The following CNTNAP5 variants were observed in gnomAD, a reference collection of about 807,000 sequenced individuals.
The protein encoded by CNTNAP5 is contactin-associated protein-like 5.
CNTNAP5 carries 72 observed loss-of-function variants against 150.2 expected under a neutral mutation model. That is an observed-to-expected ratio of 0.48 (90% CI 0.40 to 0.58). CNTNAP5 has a LOEUF of 0.58. CNTNAP5 is among the 20% of genes least tolerant of loss of function. CNTNAP5 has a pLI of 0.00. For missense variants in CNTNAP5, 1,636 were observed against 1,626.2 expected (o/e 1.01, Z -0.10); for synonymous variants, 672 against 619.8 (o/e 1.08, Z -1.25).
chr2:124,843,124 G>T (rs1303747464), intron 19 of CNTNAP5, among the ~76,000 whole-genome samples: 1 of 152,020 alleles, frequency 6.6e-6, no homozygotes, highest in Non-Finnish European at 1.5e-5. Flanking sequence ...TCATAGCTTA[G>T]CTCCCACTTA....
chr2:124,198,077 C>T (rs1402286454), intron 1 of CNTNAP5, among the ~76,000 whole-genome samples: 1 of 151,732 alleles, frequency 6.6e-6, no homozygotes, highest in Non-Finnish European at 1.5e-5. Context: ...TGAAAGAAAC[C>T]TTGGTTATTG....
At chr2:124,877,243 A>G (rs1677877704) in intron 21 of CNTNAP5, among the ~76,000 whole-genome samples, 1 of 152,094 alleles carries the variant, frequency 6.6e-6, no homozygotes, top group Non-Finnish European at 1.5e-5. Context: ...TGTTTTTTCT[A>G]AGAGTGAAAC....
chr2:124,795,578 C>A (rs314726), intron 18 of CNTNAP5, among the ~76,000 whole-genome samples: 3 of 151,900 alleles, frequency 2.0e-5, no homozygotes, highest in African/African-American at 7.3e-5. Context: ...AGTGCAATGG[C>A]GCAATCTCAG....
intron 13 of CNTNAP5, among the ~76,000 whole-genome samples, chr2:124,673,270 A>G (rs952657427): frequency 6.6e-6 from 1 of 152,106 alleles, no homozygotes; most frequent in African/African-American, 2.4e-5. Context: ...AAGCACTAAC[A>G]TGTTCTCAGA....
Position 124,524,336 on chromosome 2 carries a change from T to C in CNTNAP5, c.1361T>C (p.Val454Ala), listed in dbSNP as rs756764521. The C allele has an allele frequency of 4.3e-6, 7 of 1,613,700 alleles. No homozygotes were observed. The African/African-American group carries it at 9.3e-5, about 22-fold the overall frequency. The change falls in exon 9 of 24, where the codon GTT (valine) becomes GCT (alanine). Residue 454 changes from valine to alanine, a missense_variant. Physicochemically the swap from Val to Ala is moderately conservative, Grantham distance 64. Coordinates refer to ENST00000682447, the MANE Select transcript of CNTNAP5 (RefSeq NM_001367498.1). ...SNLNDGLWHS[V>A]SINARRNRIT... is the part of the protein sequence containing the mutation. ...TTGAATGATGGCCTGTGGCACTCGG[T>C]TAGCATCAACGCCAGGAGGAACCGC... is the stretch of plus-strand genomic sequence containing the variant.
intron 3 of CNTNAP5, among the ~76,000 whole-genome samples, chr2:124,264,389 T>G (rs2951179): frequency 0.043 from 5,432 of 126,520 alleles, 190 homozygotes; most frequent in East Asian, 0.089. Flanking sequence ...CACACACACA[T>G]ACACACACAC....
intron 1 of CNTNAP5, among the ~76,000 whole-genome samples, chr2:124,115,694 G>A (rs1013746227): frequency 6.9e-6 from 1 of 145,102 alleles, no homozygotes; most frequent in Non-Finnish European, 1.5e-5. Context: ...TGTCTCCCAG[G>A]TTGACGTGAG....
chr2:124,876,323 T>C (rs1251639203), intron 21 of CNTNAP5, among the ~76,000 whole-genome samples: 1 of 151,946 alleles, frequency 6.6e-6, no homozygotes, highest in Non-Finnish European at 1.5e-5. Context: ...AGTTCAGCGT[T>C]AATTGCATGG....
At chr2:124,807,896 TGGAAGATTTAGAAACACAA>T (rs1682114839) in intron 19 of CNTNAP5, among the ~76,000 whole-genome samples, 1 of 152,126 alleles carries the variant, frequency 6.6e-6, no homozygotes, top group Admixed American at 6.5e-5. Flanking sequence ...AAAACACCAC[TGGAAGATTTAGAAACACAA>T]TGCCAGTGAA....
chr2:124,748,450 A>C (rs755495814), intron 14 of CNTNAP5, among the ~76,000 whole-genome samples: 1 of 152,106 alleles, frequency 6.6e-6, no homozygotes, highest in Non-Finnish European at 1.5e-5. Context: ...TACTGTATTG[A>C]TTGTGAAAAT....
chr2:124,446,816 A>G lies in CNTNAP5; in HGVS notation c.797A>G (p.Asp266Gly), dbSNP rs770930175. ...PSATLGSLLDDQHWHSVLIER... is the reference protein window; with the variant it reads ...PSATLGSLLDGQHWHSVLIER... ...GCCACCCTGGGCAGCCTCCTGGATG[A>G]CCAGCACTGGCACTCGGTCCTCATT... is the stretch of plus-strand genomic sequence containing the variant. Residue 266 changes from aspartate to glycine, a missense_variant, in exon 6 of 24, where the codon GAC becomes GGC. Physicochemically the swap from Asp to Gly is moderately conservative, Grantham distance 94. Transcript: ENST00000682447. The G allele has an allele frequency of 1.7e-5, 27 of 1,613,716 alleles. No homozygotes were observed. The highest frequency in any genetic ancestry group is 9.3e-5 in the African/African-American group (7 of 74,904).
intron 10 of CNTNAP5, among the ~76,000 whole-genome samples, chr2:124,544,454 C>G (rs576008569): frequency 6.6e-6 from 1 of 152,246 alleles, no homozygotes; most frequent in South Asian, 2.1e-4. Context: ...GTTCTTAATC[C>G]TCTTCTCAGA....
At chr2:124,734,405 A>G (rs569076645) in intron 13 of CNTNAP5, among the ~76,000 whole-genome samples, 1 of 152,192 alleles carries the variant, frequency 6.6e-6, no homozygotes, top group Admixed American at 6.5e-5. Flanking sequence ...AACAAAAATC[A>G]CAAGAAATCT....
intron 13 of CNTNAP5, among the ~76,000 whole-genome samples, chr2:124,693,650 C>T (rs974277314): frequency 6.6e-6 from 1 of 152,066 alleles, no homozygotes; most frequent in African/African-American, 2.4e-5. Flanking sequence ...GTGGCTGAGA[C>T]ACAGATGTAC....
chr2:124,699,192 AGAAGATTACGT>A (rs11268782), intron 13 of CNTNAP5, among the ~76,000 whole-genome samples: 62,196 of 151,786 alleles, frequency 0.41, 13,487 homozygotes, highest in African/African-American at 0.48. Flanking sequence ...ATCACCCCTA[AGAAGATTACGT>A]GCACAGGGGC....
intron 2 of CNTNAP5, among the ~76,000 whole-genome samples, chr2:124,241,137 C>T (rs1262166751): frequency 1.3e-5 from 2 of 152,234 alleles, no homozygotes; most frequent in Non-Finnish European, 1.5e-5. Context: ...AACTTGGGAA[C>T]AGTAGAAGTG....
At chr2:124,174,298 C>T (rs373921266) in intron 1 of CNTNAP5, among the ~76,000 whole-genome samples, 6 of 152,074 alleles carry the variant, frequency 3.9e-5, no homozygotes, top group East Asian at 1.9e-4. Flanking sequence ...TTAAAAAATA[C>T]GTGTTGTAAG....
intron 19 of CNTNAP5, among the ~76,000 whole-genome samples, chr2:124,838,352 G>T (rs1682872007): frequency 6.6e-6 from 1 of 152,040 alleles, no homozygotes; most frequent in African/African-American, 2.4e-5. Flanking sequence ...GATCCAGATT[G>T]CTTAGCTCTT....
intron 7 of CNTNAP5, among the ~76,000 whole-genome samples, chr2:124,494,537 C>G (rs1175030416): frequency 1.3e-5 from 2 of 152,190 alleles, no homozygotes; most frequent in East Asian, 3.8e-4. Flanking sequence ...TTCAGACACA[C>G]CCACAAATAA....
Sources: allele counts gnomAD v4.1 joint callset (sites outside exome capture counted in the v4.1 genomes callset), GRCh38; gene constraint gnomAD v4.1.1; transcripts MANE v1.5; gene names NCBI Gene and HGNC (gene_info 2026-07-23, HGNC 2026-07-21).